The following SAP18 variants were observed in gnomAD, a reference collection of about 807,000 sequenced individuals.
SAP18 encodes Sin3A associated protein 18.
In SAP18, 4 loss-of-function variants were observed where a neutral mutation model predicts 18.6. That is an observed-to-expected ratio of 0.21 (90% CI 0.11 to 0.49). The LOEUF (loss-of-function observed/expected upper bound fraction) is 0.49. SAP18 is among the 20% of genes least tolerant of loss of function. SAP18 has a pLI of 0.98. For missense variants in SAP18, 170 were observed against 226.4 expected, an observed-to-expected ratio of 0.75 and a Z score of 1.60; for synonymous variants, 112 against 82.8, an observed-to-expected ratio of 1.35 and a Z score of -1.92.
At chr13:21,140,968 C>G (rs775710122) in exon 2 of SAP18, 30 of 1,565,642 alleles carry the variant, frequency 1.9e-5, no homozygotes. Context: ...GGAAATGTAC[C>G]GTCCAGCGAG....
chr13:21,143,868 A>G (rs1440204067), intron 2 of SAP18, among the ~76,000 whole-genome samples: 1 of 152,220 alleles, frequency 6.6e-6, no homozygotes, highest in African/African-American at 2.4e-5. Context: ...GAAAGACTGG[A>G]TGATTGGTAT....
At chr13:21,141,376 T>C (rs2137335003) in intron 2 of SAP18, 1 of 225,406 alleles carries the variant, frequency 4.4e-6, no homozygotes, top group East Asian at 1.1e-4. Flanking sequence ...TGTCGAGTGG[T>C]ATTTGTTATT....
At chr13:21,140,531 C>A in exon 1 of SAP18, 2 of 1,564,330 alleles carry the variant, frequency 1.3e-6, no homozygotes, top group South Asian at 1.2e-5. Context: ...TCGAGCTTCT[C>A]CTCGCGAGAG....
At chr13:21,144,712 A>AC in intron 2 of SAP18, among the ~76,000 whole-genome samples, 1 of 152,186 alleles carries the variant, frequency 6.6e-6, no homozygotes, top group African/African-American at 2.4e-5. Flanking sequence ...CAAGTACTGA[A>AC]CCCCACCCTG....
At chr13:21,142,268 CAG>C (rs1198081054) in intron 2 of SAP18, among the ~76,000 whole-genome samples, 1 of 150,890 alleles carries the variant, frequency 6.6e-6, no homozygotes, top group Non-Finnish European at 1.5e-5. Flanking sequence ...GCCTGGGCGA[CAG>C]AGCGAGACTC....
Position 21,140,683 on chromosome 13 carries a change from T to G in SAP18, c.129+2T>G. ...GAGAAACCGATCGACCGCGAGAAGG[T>G]GAAGGCCCCCTCCGCTTTGGGGTCC... On this transcript the variant is annotated splice_donor_variant, in intron 1 of 3. Transcript: ENST00000621421. LOFTEE classifies it high-confidence loss of function. 1 of 1,609,432 alleles carries G rather than the reference T, an allele frequency of 6.2e-7. No homozygotes were observed. Among genetic ancestry groups the G allele is most frequent in the Non-Finnish European group, 8.5e-7 (1 of 1,177,620 alleles).
upstream of SAP18, among the ~76,000 whole-genome samples, chr13:21,140,205 G>T (rs1869390198): frequency 6.6e-6 from 1 of 152,164 alleles, no homozygotes; most frequent in Non-Finnish European, 1.5e-5. Flanking sequence ...TCAGGGGCTG[G>T]TATCGCGGGC....
At chr13:21,144,973 C>T (rs573665265) in intron 2 of SAP18, among the ~76,000 whole-genome samples, 3 of 152,066 alleles carry the variant, frequency 2.0e-5, no homozygotes, top group South Asian at 4.2e-4. Flanking sequence ...GACTGAGCAT[C>T]GCAAGTCCAA....
intron 2 of SAP18, among the ~76,000 whole-genome samples, chr13:21,145,189 C>T (rs562676456): frequency 2.4e-4 from 37 of 151,556 alleles, no homozygotes; most frequent in Non-Finnish European, 4.1e-4. Flanking sequence ...GCCTCAGCCT[C>T]CTGAGTAGCT....
chr13:21,140,865 T>G, intron 1 of SAP18, 21 bp from the exon 2 acceptor site: 1 of 1,604,370 alleles, frequency 6.2e-7, no homozygotes, highest in Non-Finnish European at 8.5e-7. Flanking sequence ...CTTCTGCCCT[T>G]CCGTTTTCTC....
At chr13:21,146,707 CAACTCAGAT>C in intron 2 of SAP18, 89 bp from the exon 3 acceptor site, 2 of 952,272 alleles carry the variant, frequency 2.1e-6, no homozygotes, top group Non-Finnish European at 3.0e-6. Context: ...ATGTAAATCA[CAACTCAGAT>C]ATATGTAATT....
intron 3 of SAP18, 30 bp from the exon 4 acceptor site, chr13:21,147,156 T>C: frequency 6.3e-7 from 1 of 1,596,036 alleles, no homozygotes; most frequent in Non-Finnish European, 8.5e-7. Flanking sequence ...TTGATTTGGA[T>C]CCATTAACAG....
exon 4 of SAP18, chr13:21,148,375 T>C (rs999952296): frequency 1.1e-4 from 16 of 152,166 alleles, no homozygotes; most frequent in African/African-American, 3.6e-4. Flanking sequence ...AAACTGGATC[T>C]CTTTTCTTCC....
At chr13:21,142,507 A>G (rs985984215) in intron 2 of SAP18, among the ~76,000 whole-genome samples, 5 of 151,354 alleles carry the variant, frequency 3.3e-5, no homozygotes. Flanking sequence ...TTGTATTTTT[A>G]GTAGAGACAG....
chr13:21,143,425 A>T (rs1403633568), intron 2 of SAP18, among the ~76,000 whole-genome samples: 4 of 152,182 alleles, frequency 2.6e-5, no homozygotes, highest in African/African-American at 9.7e-5. Flanking sequence ...TGTTAAATTT[A>T]TGTAGTAGTA....
At chr13:21,141,858 G>C (rs561610244) in intron 2 of SAP18, among the ~76,000 whole-genome samples, 1 of 151,566 alleles carries the variant, frequency 6.6e-6, no homozygotes, top group African/African-American at 2.4e-5. Context: ...GTAGAGATGG[G>C]GTTTCACCGT....
chr13:21,146,484 T>G (rs1869655242), intron 2 of SAP18: 1 of 180,088 alleles, frequency 5.6e-6, no homozygotes. Flanking sequence ...TTGGATTTAT[T>G]TGGACTAGTT....
intron 2 of SAP18, among the ~76,000 whole-genome samples, chr13:21,142,846 C>T (rs1375562794): frequency 6.6e-6 from 1 of 152,144 alleles, no homozygotes; most frequent in Admixed American, 6.5e-5. Flanking sequence ...CACCACCATG[C>T]CCAGTGTGCC....
chr13:21,148,325 G>A (rs1191487456), exon 4 of SAP18: 4 of 152,128 alleles, frequency 2.6e-5, no homozygotes, highest in Non-Finnish European at 5.9e-5. Flanking sequence ...TGACAAATGA[G>A]AAACAATAAA....
Sources: allele counts gnomAD v4.1 joint callset (sites outside exome capture counted in the v4.1 genomes callset), GRCh38; gene constraint gnomAD v4.1.1; transcripts MANE v1.5; gene names NCBI Gene and HGNC (gene_info 2026-07-23, HGNC 2026-07-21).